RAB4A: variants seen among roughly 807,000 people sequenced by gnomAD.
RAB4A encodes RAB4A, member RAS oncogene family, also known as ras-related protein Rab-4A.
A neutral mutation model predicts 34.5 loss-of-function variants in RAB4A; 20 were observed. The ratio of observed to expected loss-of-function variants is 0.58; its 90% CI spans 0.41 to 0.84. The LOEUF is 0.84. Ranked by LOEUF, RAB4A falls within the 40% of genes least tolerant of loss-of-function variation. The probability of loss-of-function intolerance (pLI) is 0.00; values close to 1 mark genes in which losing one functional copy is unlikely to be tolerated. For missense variants in RAB4A, 228 were observed against 274.5 expected (o/e 0.83, Z 1.20); for synonymous variants, 102 against 100.0 (o/e 1.02, Z -0.12).
chr1:229,272,443 C>T (rs1343671261), intron 1 of RAB4A, among the ~76,000 whole-genome samples: 7 of 152,262 alleles, frequency 4.6e-5, no homozygotes, highest in East Asian at 3.9e-4. Flanking sequence ...ACAGCAGACA[C>T]GGCTCTGGTC....
chr1:229,271,165 C>G lies in RAB4A; in HGVS notation c.-175C>G. ...GAGGGTGGAGGGCCCTGCGCCTGCG[C>G]GGAGCTGGAGTCCGGCTGGGCCGCA... On this transcript the variant is annotated 5_prime_UTR_variant, in exon 1 of 8. Coordinates refer to ENST00000366690, the MANE Select transcript of RAB4A (RefSeq NM_004578.4). 2.0e-6 allele frequency: 1 copy of G among 504,292 alleles called. No individual in the cohort carries two copies. The highest frequency in any genetic ancestry group is 3.0e-6 in the Non-Finnish European group (1 of 332,610). The allele number at this position is 504,292 out of a possible 1,614,324, so 31.2% of individuals were successfully genotyped here. A position where few individuals can be genotyped will look rare whatever the true frequency, so the allele number is the denominator to read the frequency against.
intron 3 of RAB4A, among the ~76,000 whole-genome samples, chr1:229,290,008 TTGAG>T (rs1232223162): frequency 1.3e-5 from 2 of 152,056 alleles, no homozygotes; most frequent in Non-Finnish European, 1.5e-5. Context: ...AAGGCCAAGA[TTGAG>T]TGAGTGCACA....
chr1:229,296,465 T>C (rs1247826314), intron 4 of RAB4A, among the ~76,000 whole-genome samples: 1 of 152,230 alleles, frequency 6.6e-6, no homozygotes. Context: ...TTGTGACATA[T>C]GGCAATTTAA....
At chr1:229,290,023 A>G (rs578153243) in intron 3 of RAB4A, among the ~76,000 whole-genome samples, 39 of 152,262 alleles carry the variant, frequency 2.6e-4, no homozygotes, top group African/African-American at 8.7e-4. Flanking sequence ...TGAGTGCACA[A>G]TTATGATTGA....
At chr1:229,288,630 C>T (rs897350170) in intron 2 of RAB4A, 99 bp from the exon 3 acceptor site, 7 of 639,432 alleles carry the variant, frequency 1.1e-5, no homozygotes, top group Non-Finnish European at 1.7e-5. Flanking sequence ...ATGTCCATTC[C>T]CCATTGATGT....
At chr1:229,295,690 C>A (rs573562661) in intron 3 of RAB4A, among the ~76,000 whole-genome samples, 158 bp from the exon 4 acceptor site, 1 of 152,324 alleles carries the variant, frequency 6.6e-6, no homozygotes, top group South Asian at 2.1e-4. Flanking sequence ...TAACCCCTCA[C>A]ATGTATGTTC....
intron 3 of RAB4A, 116 bp from the exon 4 acceptor site, chr1:229,295,732 A>G (rs567119948): frequency 1.0e-3 from 902 of 880,518 alleles, no homozygotes; most frequent in Non-Finnish European, 1.4e-3. Context: ...CTTTTAAACC[A>G]GTGTCTGTCC....
intron 6 of RAB4A, among the ~76,000 whole-genome samples, chr1:229,301,103 A>G (rs1199455233): frequency 1.3e-5 from 2 of 152,156 alleles, no homozygotes; most frequent in East Asian, 3.8e-4. Context: ...ATCAAGAACA[A>G]TTTCAGCAGA....
intron 1 of RAB4A, among the ~76,000 whole-genome samples, chr1:229,279,350 T>C (rs2102836364): frequency 6.6e-6 from 1 of 152,354 alleles, no homozygotes; most frequent in East Asian, 1.9e-4. Context: ...AGGTCATCAT[T>C]GACTATTGAC....
Position 229,293,877 on chromosome 1 carries a change from A to G in RAB4A, c.228-1971A>G, listed in dbSNP as rs1342004399. ...GAGTGGCAGGGGCTGGGAGCAGGGA[A>G]GAGAATGGGGCCAAAGGGACAGGTA... On this transcript the variant is annotated intron_variant, in intron 3 of 7. Coordinates refer to ENST00000366690, the MANE Select transcript of RAB4A (RefSeq NM_004578.4). 4.6e-5 allele frequency among the ~76,000 whole-genome samples: 7 copies of G among 152,242 alleles called. No homozygotes were observed. The East Asian group carries it at 1.4e-3, about 29-fold the overall frequency.
chr1:229,277,112 G>GT (rs1447637651), intron 1 of RAB4A, among the ~76,000 whole-genome samples: 1 of 149,098 alleles, frequency 6.7e-6, no homozygotes, highest in African/African-American at 2.5e-5. Context: ...TCAGTGGAAA[G>GT]TAACAAAGAG....
At chr1:229,297,046 G>A (rs923623739) in intron 4 of RAB4A, among the ~76,000 whole-genome samples, 4 of 152,214 alleles carry the variant, frequency 2.6e-5, no homozygotes, top group Non-Finnish European at 5.9e-5. Context: ...ATGGCAGTCT[G>A]TGTCATGGAA....
At chr1:229,285,705 C>CCAACTGT (rs1656906069) in intron 1 of RAB4A, among the ~76,000 whole-genome samples, 1 of 152,124 alleles carries the variant, frequency 6.6e-6, no homozygotes, top group Admixed American at 6.6e-5. Context: ...TGTTCTGGTA[C>CCAACTGT]TCCCGAGCTC....
chr1:229,296,046 C>T (rs1318997731), intron 4 of RAB4A, 136 bp downstream of exon 4: 17 of 777,868 alleles, frequency 2.2e-5, no homozygotes, highest in Non-Finnish European at 3.3e-5. Flanking sequence ...CCAGGAAGCC[C>T]CTTAGCCCTT....
At chr1:229,284,684 T>C (rs534219734) in intron 1 of RAB4A, among the ~76,000 whole-genome samples, 64 of 152,360 alleles carry the variant, frequency 4.2e-4, no homozygotes, top group African/African-American at 1.1e-3. Flanking sequence ...CACAATTATG[T>C]ATTTATGTGT....
chr1:229,297,309 C>G (rs1004997443), intron 4 of RAB4A, among the ~76,000 whole-genome samples, 173 bp from the exon 5 acceptor site: 1 of 152,162 alleles, frequency 6.6e-6, no homozygotes. Flanking sequence ...CAAAATGGAA[C>G]AAACTGTGGG....
intron 1 of RAB4A, among the ~76,000 whole-genome samples, chr1:229,275,101 A>G (rs1344955397): frequency 6.6e-6 from 1 of 152,194 alleles, no homozygotes; most frequent in African/African-American, 2.4e-5. Flanking sequence ...CCTAACCCCT[A>G]GTACCTGTGA....
intron 1 of RAB4A, among the ~76,000 whole-genome samples, chr1:229,280,445 C>T (rs988722290): frequency 6.6e-6 from 1 of 152,226 alleles, no homozygotes; most frequent in African/African-American, 2.4e-5. Context: ...AGCTGCTTAT[C>T]TGCTGCTCCT....
chr1:229,302,305 A>AT (rs1657428912), intron 6 of RAB4A, among the ~76,000 whole-genome samples: 1 of 37,864 alleles, frequency 2.6e-5, no homozygotes, highest in African/African-American at 8.2e-5. Flanking sequence ...ATATATATAT[A>AT]TATATTTTTT....
Sources: gnomAD v4.1 joint callset for allele counts (sites outside exome capture counted in the v4.1 genomes callset) on GRCh38, gnomAD v4.1.1 for gene constraint, MANE v1.5 for transcripts, NCBI Gene and HGNC (gene_info 2026-07-23, HGNC 2026-07-21) for gene names.